The following MAGI3 variants were observed in gnomAD, a reference collection of about 807,000 sequenced individuals.
MAGI3 encodes membrane associated guanylate kinase, WW and PDZ domain containing 3.
Under a neutral mutation model 121.8 loss-of-function variants are expected in MAGI3, and 43 were observed. That is an observed-to-expected ratio of 0.35 (90% CI 0.28 to 0.46). MAGI3 has a LOEUF of 0.46. Ranked by LOEUF, MAGI3 falls within the 20% of genes least tolerant of loss-of-function variation. The pLI is 1.00. For missense variants in MAGI3, 1,547 were observed against 1,797.3 expected (o/e 0.86, Z 2.52); for synonymous variants, 553 against 639.3 (o/e 0.86, Z 2.04).
At chr1:113,663,166 T>C (rs916763439) in intron 16 of MAGI3, among the ~76,000 whole-genome samples, 6 of 151,674 alleles carry the variant, frequency 4.0e-5, no homozygotes, top group African/African-American at 1.5e-4. Flanking sequence ...CAGAGGTTGC[T>C]GTGAGCTGAG....
In MAGI3 at chr1:113,549,616, T is replaced by C; in HGVS notation, c.418T>C (p.Leu140=). 2 of 1,580,304 alleles carry C rather than the reference T, an allele frequency of 1.3e-6. No individual in the cohort carries two copies. Among genetic ancestry groups the C allele is most frequent in the East Asian group, 2.2e-5 (1 of 44,576 alleles). The change falls in exon 2 of 21, where the codon TTG becomes CTG. Residue 140 remains leucine (L), a synonymous_variant. Transcript: ENST00000307546. ...LQQVIRDNLY[L]RTIPCTTRAP... The stretch of plus-strand genomic sequence containing the variant: ...GCAAGTGATCAGAGATAATCTCTAC[T>C]TGAGAACCATTCCATGTAAGTATGT...
intron 16 of MAGI3, among the ~76,000 whole-genome samples, chr1:113,670,433 A>G (rs976056144): frequency 9.9e-5 from 15 of 152,232 alleles, no homozygotes; most frequent in Non-Finnish European, 1.8e-4. Context: ...AGCTTTCTCA[A>G]TGGAAACTGC....
intron 5 of MAGI3, 119 bp downstream of exon 5, chr1:113,590,777 TTAAAAA>T: frequency 5.6e-6 from 5 of 898,338 alleles, no homozygotes; most frequent in Non-Finnish European, 8.1e-6. Context: ...TTTTCTTTCT[TTAAAAA>T]TATTTTTCAT....
intron 16 of MAGI3, among the ~76,000 whole-genome samples, chr1:113,668,198 C>A (rs964098868): frequency 2.0e-5 from 3 of 152,014 alleles, no homozygotes; most frequent in Non-Finnish European, 4.4e-5. Flanking sequence ...CACTAATAGA[C>A]TCGCCCAATG....
intron 1 of MAGI3, among the ~76,000 whole-genome samples, chr1:113,459,396 A>C (rs1654922659): frequency 1.3e-5 from 2 of 152,212 alleles, no homozygotes; most frequent in African/African-American, 4.8e-5. Context: ...TAAAAAGATC[A>C]ATGAATACTA....
chr1:113,547,761 A>G (rs879372565), intron 1 of MAGI3, among the ~76,000 whole-genome samples: 14 of 152,194 alleles, frequency 9.2e-5, no homozygotes, highest in Admixed American at 7.2e-4. Context: ...AAATGAAATA[A>G]TATTATTTTT....
intron 1 of MAGI3, among the ~76,000 whole-genome samples, chr1:113,496,708 T>G (rs1413457419): frequency 1.3e-5 from 2 of 152,170 alleles, no homozygotes; most frequent in Non-Finnish European, 2.9e-5. Context: ...ACTTTCAGCA[T>G]GTTTAAATAT....
intron 16 of MAGI3, among the ~76,000 whole-genome samples, chr1:113,661,110 C>G (rs924448454): frequency 6.6e-6 from 1 of 152,124 alleles, no homozygotes; most frequent in South Asian, 2.1e-4. Flanking sequence ...CTAATCTTCA[C>G]TTTTTTAACT....
In MAGI3 at chr1:113,413,785, C is replaced by A. The variant is rs541685761; in HGVS notation, c.316+22436C>A. Among the ~76,000 whole-genome samples, 7 of 152,172 alleles carry A rather than the reference C, an allele frequency of 4.6e-5. No individual in the cohort carries two copies. The East Asian group carries it at 1.4e-3, about 29-fold the overall frequency. ...AGCTTAAGGAGATTTTGGGCTGAGA[C>A]GATGGGGTTTTCTAAATATCCAATC... On this transcript the variant is annotated intron_variant, in intron 1 of 20. Coordinates refer to ENST00000307546, the MANE Select transcript of MAGI3 (RefSeq NM_001142782.2).
intron 1 of MAGI3, among the ~76,000 whole-genome samples, chr1:113,437,865 T>C (rs12037716): frequency 6.9e-4 from 6 of 8,706 alleles, no homozygotes; most frequent in Non-Finnish European, 1.0e-3. Context: ...TTCTTCTTCC[T>C]CTTCTTCTTC....
intron 1 of MAGI3, among the ~76,000 whole-genome samples, chr1:113,428,206 T>C (rs1398987366): frequency 6.6e-6 from 1 of 152,242 alleles, no homozygotes; most frequent in Non-Finnish European, 1.5e-5. Context: ...CTTAGAAATA[T>C]CTGGCAAGCC....
intron 9 of MAGI3, among the ~76,000 whole-genome samples, chr1:113,632,391 G>A (rs866291972): frequency 2.6e-5 from 4 of 152,188 alleles, no homozygotes; most frequent in East Asian, 1.9e-4. Context: ...CAATATTTCC[G>A]TGAAAATTCT....
At chr1:113,405,500 A>AG (rs1651630214) in intron 1 of MAGI3, among the ~76,000 whole-genome samples, 1 of 150,122 alleles carries the variant, frequency 6.7e-6, no homozygotes, top group Non-Finnish European at 1.5e-5. Flanking sequence ...AAAAAAAAAA[A>AG]AAGACTGAAG....
At chr1:113,640,344 C>A (rs950035088) in intron 9 of MAGI3, among the ~76,000 whole-genome samples, 1 of 152,056 alleles carries the variant, frequency 6.6e-6, no homozygotes, top group Non-Finnish European at 1.5e-5. Flanking sequence ...GATCTTGAAC[C>A]AGAAATACCA....
At chr1:113,664,359 A>G (rs1404889981) in intron 16 of MAGI3, among the ~76,000 whole-genome samples, 1 of 152,180 alleles carries the variant, frequency 6.6e-6, no homozygotes, top group Non-Finnish European at 1.5e-5. Context: ...CCACTTCCCT[A>G]TAGACAGTCA....
intron 2 of MAGI3, among the ~76,000 whole-genome samples, chr1:113,552,011 G>A (rs1659808990): frequency 6.6e-6 from 1 of 151,830 alleles, no homozygotes; most frequent in African/African-American, 2.4e-5. Flanking sequence ...CGAAATATAA[G>A]GTAATCAGTA....
chr1:113,633,646 T>C (rs965041400), intron 9 of MAGI3, among the ~76,000 whole-genome samples: 2 of 152,250 alleles, frequency 1.3e-5, no homozygotes, highest in South Asian at 2.1e-4. Context: ...TGTTGGACAT[T>C]TGGGTTGGTT....
chr1:113,582,652 A>G (rs1303606847), intron 3 of MAGI3, among the ~76,000 whole-genome samples: 1 of 152,078 alleles, frequency 6.6e-6, no homozygotes, highest in Non-Finnish European at 1.5e-5. Context: ...ATAGATGCAT[A>G]TATACATATC....
intron 1 of MAGI3, among the ~76,000 whole-genome samples, chr1:113,525,051 G>A (rs1658388709): frequency 6.6e-6 from 1 of 152,130 alleles, no homozygotes; most frequent in African/African-American, 2.4e-5. Flanking sequence ...GTCTGCCACT[G>A]TGTGAGACAT....
Sources: gnomAD v4.1 joint callset for allele counts (sites outside exome capture counted in the v4.1 genomes callset) on GRCh38, gnomAD v4.1.1 for gene constraint, MANE v1.5 for transcripts, NCBI Gene and HGNC (gene_info 2026-07-23, HGNC 2026-07-21) for gene names.